Variants in ANKRD13C observed in about 807,000 individuals in gnomAD.
ANKRD13C encodes the protein ankyrin repeat domain 13C, also known as ankyrin repeat domain-containing protein 13C.
A neutral mutation model predicts 65.5 loss-of-function variants in ANKRD13C; 16 were observed. The ratio of observed to expected loss-of-function variants is 0.24; its 90% CI spans 0.17 to 0.37. ANKRD13C has a LOEUF of 0.37. Among genes scored for constraint, ANKRD13C ranks in the 10% least tolerant of loss-of-function variants. ANKRD13C has a pLI of 1.00. For missense variants in ANKRD13C, 503 were observed against 655.9 expected (o/e 0.77, Z 2.55); for synonymous variants, 235 against 238.7 (o/e 0.98, Z 0.14).
intron 3 of ANKRD13C, among the ~76,000 whole-genome samples, chr1:70,318,080 T>C (rs1235367446): frequency 6.6e-6 from 1 of 152,186 alleles, no homozygotes; most frequent in Non-Finnish European, 1.5e-5. Flanking sequence ...CTTTTCTATA[T>C]GACTTCATAT....
At chr1:70,296,918 T>C (rs1308139176) in intron 7 of ANKRD13C, among the ~76,000 whole-genome samples, 1 of 152,254 alleles carries the variant, frequency 6.6e-6, no homozygotes, top group Admixed American at 6.5e-5. Flanking sequence ...GGTTTTATCC[T>C]GTACATATTC....
intron 2 of ANKRD13C, among the ~76,000 whole-genome samples, chr1:70,328,525 T>C (rs1414845717): frequency 1.3e-5 from 2 of 152,094 alleles, no homozygotes; most frequent in Non-Finnish European, 2.9e-5. Flanking sequence ...TAGCCAGGTG[T>C]GGTGGCACAT....
chr1:70,349,698 C>T (rs1682667715), intron 1 of ANKRD13C, among the ~76,000 whole-genome samples: 1 of 151,998 alleles, frequency 6.6e-6, no homozygotes, highest in African/African-American at 2.4e-5. Context: ...ACAAGTTCTC[C>T]AGGTACAATA....
chr1:70,308,314 G>A (rs1680675284), intron 5 of ANKRD13C, among the ~76,000 whole-genome samples: 1 of 151,916 alleles, frequency 6.6e-6, no homozygotes, highest in Middle Eastern at 3.4e-3. Context: ...ATCTTTTGAA[G>A]TAATTATAAC....
At chr1:70,338,315 A>G (rs562218588) in intron 1 of ANKRD13C, among the ~76,000 whole-genome samples, 2 of 152,296 alleles carry the variant, frequency 1.3e-5, no homozygotes, top group East Asian at 1.9e-4. Context: ...AATTTTCCGC[A>G]TTAGGAACTC....
chr1:70,274,625 A>T, intron 11 of ANKRD13C, 95 bp downstream of exon 11: 1 of 888,508 alleles, frequency 1.1e-6, no homozygotes, highest in Non-Finnish European at 1.8e-6. Flanking sequence ...TTCATTTCAA[A>T]GGTCTCAAAT....
chr1:70,302,809 G>A (rs1680434014), intron 6 of ANKRD13C, among the ~76,000 whole-genome samples: 1 of 148,696 alleles, frequency 6.7e-6, no homozygotes, highest in Non-Finnish European at 1.5e-5. Context: ...GTGGGCTCCT[G>A]ATAATACCAA....
intron 9 of ANKRD13C, among the ~76,000 whole-genome samples, chr1:70,277,478 C>G (rs1170405131): frequency 6.7e-6 from 1 of 148,566 alleles, no homozygotes; most frequent in Non-Finnish European, 1.5e-5. Flanking sequence ...AAACAAAACT[C>G]TGATTCAAGG....
At chr1:70,262,960 A>AG (rs397980459) in intron 12 of ANKRD13C, 113 bp from the exon 13 acceptor site, 2 of 835,300 alleles carry the variant, frequency 2.4e-6, no homozygotes, top group Non-Finnish European at 3.4e-6. Flanking sequence ...AAAAAAAAAA[A>AG]TACTCAAGAA....
Position 70,292,538 on chromosome 1 carries a change from T to G in ANKRD13C, c.1065A>C (p.Gly355=). Residue 355 remains glycine (G), a synonymous_variant, in exon 9 of 13, where the codon GGA becomes GGC. Coordinates refer to ENST00000370944, the MANE Select transcript of ANKRD13C (RefSeq NM_030816.5). ...CCAGGTAAAAGTCTGCCAAAAAGTT[T>G]CCTACTCTTTCCTAAAACAAAACCA... ...LFREDKTERV[G]NFLADFYLVN... 1 of 1,589,252 alleles carries G rather than the reference T, an allele frequency of 6.3e-7. No homozygotes were observed. Among genetic ancestry groups the G allele is most frequent in the Admixed American group, 1.9e-5 (1 of 51,842 alleles).
intron 12 of ANKRD13C, among the ~76,000 whole-genome samples, chr1:70,268,875 A>AT (rs1176875639): frequency 6.6e-6 from 1 of 150,628 alleles, no homozygotes; most frequent in Admixed American, 6.6e-5. Flanking sequence ...TTTTTTTTTG[A>AT]TTTTTTAGTT....
rs532298399 is a variant in ANKRD13C at position 70,262,100 on chromosome 1, G to C, written c.*617C>G. The C allele has an allele frequency of 1.3e-5, 2 of 152,634 alleles. No individual in the cohort carries two copies. The highest frequency in any genetic ancestry group is 1.9e-4 in the East Asian group (1 of 5,188). 9.5% of individuals were successfully genotyped at this position (152,634 alleles called of 1,614,324 possible). ...GTGAACGCTCCTTCTGAAATGTATT[G>C]CAACATATAAATGCAATTGTTTAAT... On this transcript the variant is annotated 3_prime_UTR_variant, in exon 13 of 13. Coordinates refer to ENST00000370944, the MANE Select transcript of ANKRD13C (RefSeq NM_030816.5).
intron 3 of ANKRD13C, among the ~76,000 whole-genome samples, chr1:70,320,323 A>G (rs563783068): frequency 6.6e-6 from 1 of 152,196 alleles, no homozygotes; most frequent in South Asian, 2.1e-4. Flanking sequence ...AAATATTAAC[A>G]GTGGTTGTCT....
rs1157170599 is a variant in ANKRD13C, at chr1:70,267,816, G to A, written c.1495+3040C>T. Among the ~76,000 whole-genome samples, 4 of 151,902 alleles carry A rather than the reference G, an allele frequency of 2.6e-5. No homozygotes were observed. In the South Asian group the frequency reaches 8.3e-4, roughly 32 times the overall value. ...GTGGCTGCTCTAGGTATACATTATTGTGTGTATGTGTGTGTGTGTCTGTAT... is the reference window on the plus strand; with the variant it reads ...GTGGCTGCTCTAGGTATACATTATTATGTGTATGTGTGTGTGTGTCTGTAT... On this transcript the variant is annotated intron_variant, in intron 12 of 12. Coordinates refer to ENST00000370944, the MANE Select transcript of ANKRD13C (RefSeq NM_030816.5).
At chr1:70,343,553 G>C (rs1340398099) in intron 1 of ANKRD13C, among the ~76,000 whole-genome samples, 1 of 152,150 alleles carries the variant, frequency 6.6e-6, no homozygotes, top group Non-Finnish European at 1.5e-5. Context: ...TTAGCTTTTA[G>C]GTAGGTTTGT....
intron 1 of ANKRD13C, among the ~76,000 whole-genome samples, chr1:70,342,012 G>C (rs997096123): frequency 6.6e-6 from 1 of 151,750 alleles, no homozygotes; most frequent in African/African-American, 2.4e-5. Flanking sequence ...TGTGTATGGG[G>C]AGTAAGAAGT....
At chr1:70,336,404 C>G (rs982554634) in intron 1 of ANKRD13C, among the ~76,000 whole-genome samples, 1 of 152,072 alleles carries the variant, frequency 6.6e-6, no homozygotes, top group African/African-American at 2.4e-5. Flanking sequence ...GTTCATTTAG[C>G]AAACAATTTA....
chr1:70,261,099 T>C lies in ANKRD13C; in HGVS notation c.*1618A>G, dbSNP rs1455700373. 1 of 152,128 alleles carries C rather than the reference T, an allele frequency of 6.6e-6. No homozygotes were observed. Among genetic ancestry groups the C allele is most frequent in the Non-Finnish European group, 1.5e-5 (1 of 67,958 alleles). 9.4% of individuals were successfully genotyped at this position (152,128 alleles called of 1,614,324 possible). A position where few individuals can be genotyped will look rare whatever the true frequency, so the allele number is the denominator to read the frequency against. On this transcript the variant is annotated 3_prime_UTR_variant, in exon 13 of 13. Coordinates refer to ENST00000370944, the MANE Select transcript of ANKRD13C (RefSeq NM_030816.5). The stretch of plus-strand genomic sequence containing the variant: ...TTCAACAAAGCTAGTCTGGGTTTAC[T>C]AACACGTTCCCCCAAAATTCAATAG...
chr1:70,354,069 A>G lies in ANKRD13C; in HGVS notation c.340T>C (p.Tyr114His), dbSNP rs1490562095. Residue 114 changes from tyrosine to histidine, a missense_variant, in exon 1 of 13, where the codon TAC (tyrosine) becomes CAC (histidine). Tyr to His is a moderately conservative substitution (Grantham distance 83). This residue lies in a region of ANKRD13C where 203 missense variants were observed against 177.6 expected (regional missense o/e 1.14). Coordinates refer to ENST00000370944, the MANE Select transcript of ANKRD13C (RefSeq NM_030816.5). ...TTGAAGACGCACTCGTGCACCGGGT[A>G]GTGTGCGGGGCAACTGCCTCCATCC... ...VADGGSCPAH[Y>H]PVHECVFKGD... 1.9e-6 allele frequency: 3 copies of G among 1,608,334 alleles called. No individual in the cohort carries two copies. In the African/African-American group the frequency reaches 4.0e-5, roughly 21 times the overall value.
Sources: allele counts gnomAD v4.1 joint callset (sites outside exome capture counted in the v4.1 genomes callset), GRCh38; gene constraint gnomAD v4.1.1; regional missense constraint gnomAD v4.1.1; transcripts MANE v1.5; gene names NCBI Gene and HGNC (gene_info 2026-07-23, HGNC 2026-07-21).